Variants in PHC3 observed in about 807,000 individuals in gnomAD.
PHC3 encodes polyhomeotic-like protein 3.
PHC3 carries 13 observed loss-of-function variants against 107.4 expected under a neutral mutation model. The ratio of observed to expected loss-of-function variants is 0.12; its 90% confidence interval spans 0.08 to 0.19. PHC3 has a LOEUF of 0.19. PHC3 is among the 10% of genes least tolerant of loss of function. PHC3 has a pLI of 1.00. For synonymous variants in PHC3, 456 were observed against 427.4 expected, an observed-to-expected ratio of 1.07 and a Z score of -0.83; for missense variants, 992 against 1,210.9, an observed-to-expected ratio of 0.82 and a Z score of 2.68.
At chr3:170,165,434 T>C (rs376455121) in intron 4 of PHC3, among the ~76,000 whole-genome samples, 13 of 151,958 alleles carry the variant, frequency 8.6e-5, no homozygotes, top group African/African-American at 3.1e-4. Flanking sequence ...TAGAAGCCAA[T>C]ACCCAGATAA....
At chr3:170,103,087 T>C (rs1248719230) in intron 12 of PHC3, among the ~76,000 whole-genome samples, 153 bp from the exon 13 acceptor site, 10 of 152,228 alleles carry the variant, frequency 6.6e-5, no homozygotes, top group Non-Finnish European at 2.9e-5. Context: ...CACTGTTCAA[T>C]GGATTTACTT....
At chr3:170,126,528 A>ATATATTTTT (rs370421296) in intron 8 of PHC3, among the ~76,000 whole-genome samples, 61 of 90,610 alleles carry the variant, frequency 6.7e-4, no homozygotes, top group African/African-American at 2.6e-3. Context: ...ATATATATAT[A>ATATATTTTT]TTTTTTTTTT....
chr3:170,110,508 T>G (rs549372555), intron 11 of PHC3, among the ~76,000 whole-genome samples: 9 of 152,328 alleles, frequency 5.9e-5, no homozygotes, highest in African/African-American at 2.2e-4. Flanking sequence ...CTCATTTTTA[T>G]AGGAAACCCA....
intron 1 of PHC3, 112 bp downstream of exon 1, chr3:170,181,590 C>T (rs891851670): frequency 5.9e-6 from 9 of 1,525,204 alleles, no homozygotes; most frequent in Middle Eastern, 1.7e-4. Context: ...TCTCGAGTCT[C>T]TCTTTCCCCA....
At chr3:170,121,300 C>T (rs1301482643) in intron 9 of PHC3, among the ~76,000 whole-genome samples, 1 of 151,582 alleles carries the variant, frequency 6.6e-6, no homozygotes, top group Admixed American at 6.6e-5. Context: ...ATAGTGAGAC[C>T]CTATCTCTTA....
chr3:170,094,442 T>C lies in PHC3; in HGVS notation c.*2788A>G, dbSNP rs993532224. ...GTAGCAAAAGTAGGAAGAACCTCCA[T>C]GTTCCCTTTCTGTTTGTCATTATCT... On this transcript the variant is annotated 3_prime_UTR_variant, in exon 15 of 15. Transcript: ENST00000495893. The C allele has an allele frequency of 2.6e-5, 4 of 152,186 alleles. No homozygotes were observed. Among genetic ancestry groups the C allele is most frequent in the Non-Finnish European group, 5.9e-5 (4 of 68,024 alleles). The allele number at this position is 152,186 out of a possible 1,614,324, so 9.4% of individuals were successfully genotyped here.
intron 5 of PHC3, chr3:170,148,717 T>C (rs1331595173): frequency 1.9e-5 from 3 of 156,270 alleles, no homozygotes; most frequent in Non-Finnish European, 2.8e-5. Context: ...AAACAGGCAA[T>C]GATTTTATGG....
intron 8 of PHC3, among the ~76,000 whole-genome samples, chr3:170,126,876 T>TC (rs1480877131): frequency 6.6e-6 from 1 of 151,816 alleles, no homozygotes; most frequent in African/African-American, 2.4e-5. Flanking sequence ...CTCTATAGCT[T>TC]CCCCTAACAT....
At chr3:170,181,543 G>T (rs1731434474) in intron 1 of PHC3, 159 bp downstream of exon 1, 2 of 1,068,102 alleles carry the variant, frequency 1.9e-6, no homozygotes. Context: ...TTCGCCCCGC[G>T]ACACGGGCCT....
intron 1 of PHC3, among the ~76,000 whole-genome samples, chr3:170,179,196 AG>A (rs1408447015): frequency 6.6e-6 from 1 of 152,228 alleles, no homozygotes; most frequent in Non-Finnish European, 1.5e-5. Context: ...CATAGCCAAA[AG>A]TTTATCTTTG....
chr3:170,114,862 T>A (rs974040511), intron 10 of PHC3, among the ~76,000 whole-genome samples: 2 of 152,176 alleles, frequency 1.3e-5, no homozygotes, highest in African/African-American at 2.4e-5. Context: ...AACTTTAGAG[T>A]ATAATTACTC....
intron 11 of PHC3, among the ~76,000 whole-genome samples, chr3:170,111,394 G>GAGGAAGGAAGGA (rs750463123): frequency 7.0e-6 from 1 of 142,006 alleles, no homozygotes; most frequent in East Asian, 2.1e-4. Context: ...GAGAAAGAAA[G>GAGGAAGGAAGGA]AGGAAGGAAG....
chr3:170,097,422 A>T lies in PHC3; in HGVS notation c.2834-38T>A. ...CAGAGGACAGAAGTTAGAATTAAATATACAACAATTAGACATTACTCCTAA... is the reference window on the plus strand; with the variant it reads ...CAGAGGACAGAAGTTAGAATTAAATTTACAACAATTAGACATTACTCCTAA... On this transcript the variant is annotated intron_variant, in intron 14 of 14. Transcript: ENST00000495893. The surrounding 1 kb of genome is among the most constrained non-coding windows in gnomAD (Gnocchi z 4.1). 6.3e-7 allele frequency: 1 copy of T among 1,593,096 alleles called. No individual in the cohort carries two copies. Among genetic ancestry groups the T allele is most frequent in the Non-Finnish European group, 8.6e-7 (1 of 1,166,832 alleles).
At chr3:170,123,710 T>C (rs1325393539) in intron 8 of PHC3, among the ~76,000 whole-genome samples, 2 of 150,922 alleles carry the variant, frequency 1.3e-5, no homozygotes, top group African/African-American at 2.4e-5. Context: ...AGAACATCAC[T>C]TGAACCTGGG....
At chr3:170,160,744 C>G (rs1215360216) in intron 4 of PHC3, among the ~76,000 whole-genome samples, 1 of 151,922 alleles carries the variant, frequency 6.6e-6, no homozygotes, top group Admixed American at 6.6e-5. Flanking sequence ...CTACTGAAAA[C>G]ATACAAAAAA....
At chr3:170,119,472 C>T (rs953807868) in intron 9 of PHC3, among the ~76,000 whole-genome samples, 1 of 151,970 alleles carries the variant, frequency 6.6e-6, no homozygotes, top group Non-Finnish European at 1.5e-5. Context: ...AAATTTTGTT[C>T]AAAATAGAGC....
rs1714728684 is a variant in PHC3 at position 170,097,176 on chromosome 3, C to CAA, written c.*52_*53dup. ...TAGACCAAGTTAGGCCTTTACCTTA[C>CAA]AAGTTTTTGTGAGAAAAGTAAAACT... On this transcript the variant is annotated 3_prime_UTR_variant, in exon 15 of 15. Coordinates refer to ENST00000495893, the MANE Select transcript of PHC3 (RefSeq NM_024947.4). This position sits in a 1 kb window ranked among gnomAD's most constrained non-coding sequence, Gnocchi z 4.1. The CAA allele has an allele frequency of 6.5e-7, 1 of 1,537,962 alleles. No homozygotes were observed. Among genetic ancestry groups the CAA allele is most frequent in the Admixed American group, 1.8e-5 (1 of 55,930 alleles).
chr3:170,163,771 G>A (rs926851511), intron 4 of PHC3, among the ~76,000 whole-genome samples: 5 of 149,428 alleles, frequency 3.3e-5, no homozygotes, highest in African/African-American at 7.4e-5. Flanking sequence ...GCTGACGCAC[G>A]AGAATCTCTT....
chr3:170,089,616 A>T lies in PHC3; in HGVS notation c.*7614T>A, dbSNP rs1216034060. 1 of 152,154 alleles carries T rather than the reference A, an allele frequency of 6.6e-6. No individual in the cohort carries two copies. The allele number at this position is 152,154 out of a possible 1,614,324, so 9.4% of individuals were successfully genotyped here. A position where few individuals can be genotyped will look rare whatever the true frequency, so the allele number is the denominator to read the frequency against. On this transcript the variant is annotated 3_prime_UTR_variant, in exon 15 of 15. Transcript: ENST00000495893. ...ATCTCCTTTGAGATTTTTCAGTTTTAGAAAGTTGCTACACTGTCGGACAGG... is the reference window on the plus strand; with the variant it reads ...ATCTCCTTTGAGATTTTTCAGTTTTTGAAAGTTGCTACACTGTCGGACAGG...
Sources: gnomAD v4.1 joint callset for allele counts (sites outside exome capture counted in the v4.1 genomes callset) on GRCh38, gnomAD v4.1.1 for gene constraint, Gnocchi (gnomAD v3.1) non-coding constraint, MANE v1.5 for transcripts, NCBI Gene and HGNC (gene_info 2026-07-23, HGNC 2026-07-21) for gene names.